The following WDR43 variants were observed in gnomAD, a reference collection of about 807,000 sequenced individuals.
WDR43 encodes WD repeat-containing protein 43.
A neutral mutation model predicts 91.4 loss-of-function variants in WDR43; 13 were observed. That is an observed-to-expected ratio of 0.14 (90% CI 0.09 to 0.23). WDR43 has a LOEUF of 0.23. Among genes scored for constraint, WDR43 ranks in the 10% least tolerant of loss-of-function variants. WDR43 has a pLI of 1.00. For synonymous variants in WDR43, 331 were observed against 287.9 expected (o/e 1.15, Z -1.51); for missense variants, 780 against 809.4 (o/e 0.96, Z 0.44).
chr2:28,931,677 T>C (rs1671248485), intron 11 of WDR43, among the ~76,000 whole-genome samples: 1 of 151,712 alleles, frequency 6.6e-6, no homozygotes, highest in South Asian at 2.1e-4. Context: ...TGCAAGAACG[T>C]TTCAAAGATG....
intron 8 of WDR43, among the ~76,000 whole-genome samples, chr2:28,926,020 G>A (rs1220153023): frequency 6.6e-6 from 1 of 152,148 alleles, no homozygotes; most frequent in Non-Finnish European, 1.5e-5. Flanking sequence ...AGGACATACA[G>A]ATGCATTTTG....
chr2:28,926,439 C>A, intron 8 of WDR43, 29 bp from the exon 9 acceptor site: 1 of 1,449,688 alleles, frequency 6.9e-7, no homozygotes, highest in Non-Finnish European at 9.2e-7. Flanking sequence ...TTCCTCTCAT[C>A]TTCCCCTTTA....
intron 11 of WDR43, among the ~76,000 whole-genome samples, chr2:28,931,187 T>A (rs529085853): frequency 1.3e-5 from 2 of 151,492 alleles, no homozygotes; most frequent in Non-Finnish European, 2.9e-5. Context: ...GTTCAAGCAA[T>A]TCTCCTGCCT....
At chr2:28,898,232 C>T (rs1670517004) in intron 1 of WDR43, among the ~76,000 whole-genome samples, 1 of 152,110 alleles carries the variant, frequency 6.6e-6, no homozygotes, top group Admixed American at 6.5e-5. Context: ...TTAAGATGAC[C>T]CTATACAGCT....
rs70958224 is a variant in WDR43, at chr2:28,922,797, GTT to G, written c.850-106_850-105del. On this transcript the variant is annotated intron_variant, in intron 6 of 17. Coordinates refer to ENST00000407426, the MANE Select transcript of WDR43 (RefSeq NM_015131.3). ...TTATTTTTAAATGGATTCTTGCTGTGTTTTTTTTTTTTTTTTTCTGGTTGTGT... is the reference window on the plus strand; with the variant it reads ...TTATTTTTAAATGGATTCTTGCTGTGTTTTTTTTTTTTTTTCTGGTTGTGT... 2,270 of 233,112 alleles carry G rather than the reference GTT, an allele frequency of 9.7e-3. 1 individual carries two copies. Among genetic ancestry groups the G allele is most frequent in the Middle Eastern group, 0.021 (18 of 872 alleles). The allele number at this position is 233,112 out of a possible 1,614,324, so 14.4% of individuals were successfully genotyped here.
intron 3 of WDR43, among the ~76,000 whole-genome samples, chr2:28,911,177 C>CAGTT (rs1670790444): frequency 6.6e-6 from 1 of 151,566 alleles, no homozygotes; most frequent in South Asian, 2.1e-4. Context: ...TAAATTTAAT[C>CAGTT]AGTTAATTTT....
chr2:28,915,440 G>A (rs943302946), intron 5 of WDR43, among the ~76,000 whole-genome samples: 1 of 152,084 alleles, frequency 6.6e-6, no homozygotes, highest in Admixed American at 6.5e-5. Flanking sequence ...ATGTTTTACC[G>A]CTTAGGCTTC....
intron 1 of WDR43, among the ~76,000 whole-genome samples, chr2:28,895,565 G>T (rs1429596998): frequency 2.0e-5 from 3 of 150,314 alleles, no homozygotes; most frequent in Admixed American, 6.6e-5. Flanking sequence ...CTTTCAAGCC[G>T]ATCACACTGC....
At chr2:28,942,032 T>A (rs2148200527) in intron 15 of WDR43, among the ~76,000 whole-genome samples, 1 of 152,344 alleles carries the variant, frequency 6.6e-6, no homozygotes, top group East Asian at 1.9e-4. Flanking sequence ...CCATTGTGTT[T>A]CAGTTGTTAT....
At chr2:28,913,965 C>A in intron 4 of WDR43, 104 bp from the exon 5 acceptor site, 1 of 1,334,828 alleles carries the variant, frequency 7.5e-7, no homozygotes, top group Non-Finnish European at 1.0e-6. Context: ...GTGGAGCTCT[C>A]CTTTCCGATA....
At chr2:28,919,184 G>A (rs1190565720) in intron 6 of WDR43, among the ~76,000 whole-genome samples, 1 of 152,116 alleles carries the variant, frequency 6.6e-6, no homozygotes, top group Non-Finnish European at 1.5e-5. Flanking sequence ...CCTGAGCCTG[G>A]GAGGTCGAAG....
At chr2:28,931,097 A>G (rs983481162) in intron 11 of WDR43, among the ~76,000 whole-genome samples, 6 of 137,360 alleles carry the variant, frequency 4.4e-5, no homozygotes, top group Admixed American at 3.8e-4. Flanking sequence ...TTTTTTGGAG[A>G]TAGAGTCTTG....
chr2:28,897,144 A>G (rs1386518233), intron 1 of WDR43, among the ~76,000 whole-genome samples: 1 of 152,204 alleles, frequency 6.6e-6, no homozygotes, highest in Non-Finnish European at 1.5e-5. Context: ...GAATGTAGAG[A>G]CATTCCCTAC....
At chr2:28,940,150 T>G (rs1292869139) in intron 14 of WDR43, among the ~76,000 whole-genome samples, 1 of 148,664 alleles carries the variant, frequency 6.7e-6, no homozygotes, top group Non-Finnish European at 1.5e-5. Context: ...CGTTTTTCTG[T>G]AGTGCTACAG....
chr2:28,907,144 A>C (rs767109282), intron 3 of WDR43, among the ~76,000 whole-genome samples: 1 of 152,176 alleles, frequency 6.6e-6, no homozygotes, highest in Non-Finnish European at 1.5e-5. Context: ...CCTGATCCTG[A>C]GGTTGGCCGT....
chr2:28,913,402 C>G (rs1670845817), intron 4 of WDR43, among the ~76,000 whole-genome samples: 1 of 152,190 alleles, frequency 6.6e-6, no homozygotes, highest in African/African-American at 2.4e-5. Flanking sequence ...GCCATCATAG[C>G]TCATTGCAGC....
At position 28,914,157 on chromosome 2, in the gene WDR43, C is replaced by T; in HGVS notation, c.695C>T (p.Thr232Ile). Residue 232 changes from threonine to isoleucine, a missense_variant, in exon 5 of 18, where the codon ACA (threonine) becomes ATA (isoleucine). This residue lies in a region of WDR43 where 174 missense variants were observed against 207.3 expected (regional missense o/e 0.84). Coordinates refer to ENST00000407426, the MANE Select transcript of WDR43 (RefSeq NM_015131.3). ...PNESQPFDGI[T>I]GLYFLSGAVH... is the part of the protein sequence containing the mutation. Reference sequence around the variant, plus strand: ...GAGAGCCAGCCCTTTGATGGAATTACAGGTCTTTATTTCTTATCTGGAGCA... The same window carrying T: ...GAGAGCCAGCCCTTTGATGGAATTATAGGTCTTTATTTCTTATCTGGAGCA... 6.2e-7 allele frequency: 1 copy of T among 1,613,940 alleles called. No homozygotes were observed. The highest frequency in any genetic ancestry group is 8.5e-7 in the Non-Finnish European group (1 of 1,179,868).
At position 28,942,347 on chromosome 2, in the gene WDR43, C is replaced by G; in HGVS notation, c.1770C>G (p.Ser590=). Reference sequence around the variant, plus strand: ...CAGAGAAGACAAAGGGAGCAACTTCCCCTGGACAGAAGGCAAAGTTGGTGT... The same window carrying G: ...CAGAGAAGACAAAGGGAGCAACTTCGCCTGGACAGAAGGCAAAGTTGGTGT... ...TASEKTKGAT[S]PGQKAKLVYE... is the part of the protein sequence containing the mutation. The change falls in exon 16 of 18, where the codon TCC becomes TCG. Residue 590 remains serine, a synonymous_variant. Coordinates refer to ENST00000407426, the MANE Select transcript of WDR43 (RefSeq NM_015131.3). 1.9e-6 allele frequency: 3 copies of G among 1,613,494 alleles called. No homozygotes were observed. Among genetic ancestry groups the G allele is most frequent in the South Asian group, 2.2e-5 (2 of 90,972 alleles).
Position 28,935,520 on chromosome 2 carries a change from G to T in WDR43, c.1438-1G>T, listed in dbSNP as rs1233978505. ...TTAATAATCCTTTTATTTTCTCACA[G>T]AAAGTACTTCAAACTAGGAATGTAA... On this transcript the variant is annotated splice_acceptor_variant, in intron 11 of 17. Coordinates refer to ENST00000407426, the MANE Select transcript of WDR43 (RefSeq NM_015131.3). LOFTEE classifies it high-confidence loss of function. The T allele has an allele frequency of 1.9e-6, 3 of 1,576,048 alleles. No homozygotes were observed. The highest frequency in any genetic ancestry group is 3.7e-5 in the Admixed American group (2 of 54,680).
Sources: allele counts gnomAD v4.1 joint callset (sites outside exome capture counted in the v4.1 genomes callset), GRCh38; gene constraint gnomAD v4.1.1; regional missense constraint gnomAD v4.1.1; transcripts MANE v1.5; gene names NCBI Gene and HGNC (gene_info 2026-07-23, HGNC 2026-07-21).